Variants in PDCD6IP observed in about 807,000 individuals in gnomAD.
The protein encoded by PDCD6IP is programmed cell death 6-interacting protein.
Under a neutral mutation model 103.7 loss-of-function variants are expected in PDCD6IP, and 43 were observed. That is an observed-to-expected ratio of 0.41 (90% confidence interval 0.32 to 0.53). The LOEUF (loss-of-function observed/expected upper bound fraction) is 0.53. Among genes scored for constraint, PDCD6IP ranks in the 20% least tolerant of loss-of-function variants. PDCD6IP has a pLI of 0.16. For missense variants in PDCD6IP, 871 were observed against 1,036.7 expected (o/e 0.84, Z 2.20); for synonymous variants, 354 against 378.7 (o/e 0.93, Z 0.76).
At chr3:33,816,614 A>G (rs975720109) in intron 3 of PDCD6IP, among the ~76,000 whole-genome samples, 2 of 151,760 alleles carry the variant, frequency 1.3e-5, no homozygotes, top group African/African-American at 2.4e-5. Context: ...AACTCAAGTC[A>G]TGTAAGGTTG....
At chr3:33,861,106 T>C (rs1697941965) in intron 15 of PDCD6IP, among the ~76,000 whole-genome samples, 1 of 151,968 alleles carries the variant, frequency 6.6e-6, no homozygotes, top group South Asian at 2.1e-4. Flanking sequence ...ATGAGAGATA[T>C]TTTACTTTTT....
chr3:33,804,613 T>G (rs1696550554), intron 1 of PDCD6IP, among the ~76,000 whole-genome samples: 1 of 152,256 alleles, frequency 6.6e-6, no homozygotes, highest in South Asian at 2.1e-4. Context: ...GTTTTGACTT[T>G]TCTGGTGTTT....
At chr3:33,798,990 T>G in intron 1 of PDCD6IP, 53 bp downstream of exon 1, 1 of 1,416,570 alleles carries the variant, frequency 7.1e-7, no homozygotes, top group Non-Finnish European at 9.5e-7. Context: ...CGCTCGCCGC[T>G]CCTCTTCCCG....
Position 33,825,293 on chromosome 3 carries a change from T to C in PDCD6IP, c.569T>C (p.Ile190Thr), listed in dbSNP as rs767193376. Residue 190 changes from isoleucine to threonine, a missense_variant, in exon 5 of 18, where the codon ATT (isoleucine) becomes ACT (threonine). Ile to Thr is a moderately conservative substitution (Grantham distance 89, BLOSUM62 -1). Transcript: ENST00000307296. ...GATACTGTTGGGACCCTCAGTCTTATTATGCTGGCACAGGCTCAAGAAGTA... is the reference window on the plus strand; with the variant it reads ...GATACTGTTGGGACCCTCAGTCTTACTATGCTGGCACAGGCTCAAGAAGTA... ...SPDTVGTLSLIMLAQAQEVFF... is the reference protein window; with the variant it reads ...SPDTVGTLSLTMLAQAQEVFF... 5 of 1,613,272 alleles carry C rather than the reference T, an allele frequency of 3.1e-6. No individual in the cohort carries two copies. Among genetic ancestry groups the C allele is most frequent in the African/African-American group, 1.3e-5 (1 of 74,884 alleles).
chr3:33,866,289 T>G, intron 17 of PDCD6IP, 62 bp from the exon 18 acceptor site: 10 of 1,007,164 alleles, frequency 9.9e-6, no homozygotes, highest in Non-Finnish European at 1.4e-5. Flanking sequence ...TCTAGAATGA[T>G]TATTGTTTTA....
At chr3:33,826,891 A>G in intron 6 of PDCD6IP, 1 of 1,110,040 alleles carries the variant, frequency 9.0e-7, no homozygotes, top group Non-Finnish European at 1.1e-6. Context: ...GTTCTGAATC[A>G]TTGGTGATTT....
intron 1 of PDCD6IP, among the ~76,000 whole-genome samples, chr3:33,800,346 G>A (rs1696448104): frequency 6.6e-6 from 1 of 152,066 alleles, no homozygotes; most frequent in Non-Finnish European, 1.5e-5. Context: ...AGCTCTGGTG[G>A]AAGTCCATGG....
intron 1 of PDCD6IP, among the ~76,000 whole-genome samples, chr3:33,803,262 C>A (rs901982920): frequency 4.6e-5 from 7 of 152,204 alleles, no homozygotes; most frequent in Admixed American, 3.3e-4. Context: ...TTCTCATCAG[C>A]AGGTATATGG....
chr3:33,843,918 C>T (rs1477283504), intron 10 of PDCD6IP, among the ~76,000 whole-genome samples, 194 bp from the exon 11 acceptor site: 2 of 150,090 alleles, frequency 1.3e-5, no homozygotes, highest in Non-Finnish European at 3.0e-5. Context: ...GCTAATTCAC[C>T]CTTAAATTTA....
intron 1 of PDCD6IP, among the ~76,000 whole-genome samples, chr3:33,807,915 T>G (rs1048905401): frequency 6.6e-6 from 1 of 152,270 alleles, no homozygotes; most frequent in African/African-American, 2.4e-5. Flanking sequence ...GCCTCCTTGC[T>G]GTGCCAAGCA....
intron 12 of PDCD6IP, among the ~76,000 whole-genome samples, chr3:33,851,816 C>G (rs2092543937): frequency 6.6e-6 from 1 of 152,090 alleles, no homozygotes; most frequent in Non-Finnish European, 1.5e-5. Flanking sequence ...TTTCCTCTCC[C>G]AGTATATAAA....
intron 1 of PDCD6IP, chr3:33,799,607 C>T (rs1559767226): frequency 2.0e-5 from 3 of 147,840 alleles, no homozygotes. Flanking sequence ...GTTATTTTAG[C>T]AAACGCTTAT....
chr3:33,808,162 A>G (rs1443249742), intron 1 of PDCD6IP, among the ~76,000 whole-genome samples: 1 of 152,268 alleles, frequency 6.6e-6, no homozygotes, highest in Non-Finnish European at 1.5e-5. Flanking sequence ...AAAAGACAAT[A>G]AACATAATCC....
intron 4 of PDCD6IP, among the ~76,000 whole-genome samples, chr3:33,822,412 A>G (rs918674385): frequency 8.5e-5 from 13 of 152,206 alleles, no homozygotes; most frequent in Admixed American, 3.3e-4. Flanking sequence ...AAATTACCTA[A>G]TTAAAAAAAA....
intron 15 of PDCD6IP, among the ~76,000 whole-genome samples, chr3:33,861,438 G>C (rs190829283): frequency 5.3e-5 from 8 of 152,276 alleles, no homozygotes; most frequent in Admixed American, 5.2e-4. Flanking sequence ...ACCGAGCCCG[G>C]CTTAATATGT....
At chr3:33,822,236 C>T (rs1353857269) in intron 4 of PDCD6IP, among the ~76,000 whole-genome samples, 154 bp downstream of exon 4, 1 of 152,078 alleles carries the variant, frequency 6.6e-6, no homozygotes, top group East Asian at 1.9e-4. Flanking sequence ...CTGTTAAAGC[C>T]CTTAGATAAA....
In PDCD6IP at chr3:33,867,845, A is replaced by AC. The variant is rs1698100625; in HGVS notation, c.*1322dup. ...GTTTATTTTCTGAGTTTCAACGCTGACCTTTTCTTGCATTATTGTTTCATT... is the reference window on the plus strand; with the variant it reads ...GTTTATTTTCTGAGTTTCAACGCTGACCCTTTTCTTGCATTATTGTTTCATT... On this transcript the variant is annotated 3_prime_UTR_variant, in exon 18 of 18. Transcript: ENST00000307296. The AC allele has an allele frequency of 6.6e-6, 1 of 152,136 alleles. No homozygotes were observed. Among genetic ancestry groups the AC allele is most frequent in the South Asian group, 2.1e-4 (1 of 4,832 alleles). The allele number at this position is 152,136 out of a possible 1,614,324, so 9.4% of individuals were successfully genotyped here.
At chr3:33,805,113 TTGGGAGGC>T (rs1696563725) in intron 1 of PDCD6IP, among the ~76,000 whole-genome samples, 1 of 152,134 alleles carries the variant, frequency 6.6e-6, no homozygotes, top group Non-Finnish European at 1.5e-5. Flanking sequence ...TCCCAGCACT[TTGGGAGGC>T]TGAGGCGGGT....
Position 33,853,973 on chromosome 3 carries a change from A to G in PDCD6IP, c.1985A>G (p.Asn662Ser), listed in dbSNP as rs141828459. Reference protein sequence around the residue: ...VLKNLATAYDNFVELVANLKE... With the variant: ...VLKNLATAYDSFVELVANLKE... ...AAGAATTTAGCTACTGCATATGACAACTTTGTTGAACTTGTAGCTAATTTG... is the reference window on the plus strand; with the variant it reads ...AAGAATTTAGCTACTGCATATGACAGCTTTGTTGAACTTGTAGCTAATTTG... Residue 662 changes from asparagine (N) to serine (S), a missense_variant, in exon 14 of 18, where the codon AAC becomes AGC. This residue lies in a region of PDCD6IP where 266 missense variants were observed against 390.5 expected (regional missense o/e 0.68). Coordinates refer to ENST00000307296, the MANE Select transcript of PDCD6IP (RefSeq NM_013374.6). 3.7e-5 allele frequency: 59 copies of G among 1,586,336 alleles called. No individual in the cohort carries two copies. The African/African-American group carries it at 7.7e-4, about 21-fold the overall frequency.
Sources: gnomAD v4.1 joint callset for allele counts (sites outside exome capture counted in the v4.1 genomes callset) on GRCh38, gnomAD v4.1.1 for gene constraint, gnomAD v4.1.1 regional missense constraint, MANE v1.5 for transcripts, NCBI Gene and HGNC (gene_info 2026-07-23, HGNC 2026-07-21) for gene names.